The following PLEKHG5 variants were observed in gnomAD, a reference collection of about 807,000 sequenced individuals.
PLEKHG5 encodes the protein pleckstrin homology and RhoGEF domain containing G5.
In PLEKHG5, 52 loss-of-function variants were observed where a neutral mutation model predicts 103.8. The ratio of observed to expected loss-of-function variants is 0.50; its 90% CI spans 0.40 to 0.63. The LOEUF is 0.63. PLEKHG5 is among the 30% of genes least tolerant of loss of function. The pLI, the probability that PLEKHG5 is intolerant of heterozygous loss-of-function variation, is 0.00. For missense variants in PLEKHG5, 1,205 were observed against 1,347.6 expected (o/e 0.89, Z 1.66); for synonymous variants, 592 against 575.5 (o/e 1.03, Z -0.41).
In PLEKHG5 at chr1:6,490,865, A is replaced by G. The variant is rs560758131; in HGVS notation, c.-88+772T>C. Among the ~76,000 whole-genome samples, 104 of 152,210 alleles carry G rather than the reference A, an allele frequency of 6.8e-4. 1 individual carries two copies. The South Asian group carries it at 0.021, about 31-fold the overall frequency. On this transcript the variant is annotated intron_variant, in intron 1 of 20. Coordinates refer to ENST00000377728, the MANE Select transcript of PLEKHG5 (RefSeq NM_020631.6). The surrounding 1 kb of genome is among the most constrained non-coding windows in gnomAD (Gnocchi z 8.0). The stretch of plus-strand genomic sequence containing the variant: ...CCTGGTCATTAACTTGGGCTTGAAG[A>G]CGGGAGCTCGCCCATCCCGGAAGGG...
upstream of PLEKHG5, chr1:6,496,588 G>A (rs754545446): frequency 6.5e-7 from 1 of 1,530,894 alleles, no homozygotes; most frequent in Non-Finnish European, 8.8e-7. Flanking sequence ...GAGGAGCAGA[G>A]GGCATCAGTC....
chr1:6,514,884 A>C (rs1413813297), intron 1 of PLEKHG5, among the ~76,000 whole-genome samples: 1 of 151,748 alleles, frequency 6.6e-6, no homozygotes. Flanking sequence ...CCTGGCCAAC[A>C]TAGTGAAACC....
chr1:6,510,646 G>A (rs2148636801), intron 1 of PLEKHG5, among the ~76,000 whole-genome samples: 1 of 152,360 alleles, frequency 6.6e-6, no homozygotes, highest in Admixed American at 6.5e-5. Context: ...GAACCCTACA[G>A]GGCCAATACC....
rs912143041 is a variant in PLEKHG5, at chr1:6,510,965, C to T, written c.-165+8480G>A. On this transcript the variant is annotated intron_variant, in intron 1 of 21. Coordinates refer to the PLEKHG5 transcript ENST00000377740. Reference sequence around the variant, plus strand: ...TTAGCCAAGTGTGGTGGCAGGTGCCCGTAATCTCAGCTACTCAGGAGGCTG... The same window carrying T: ...TTAGCCAAGTGTGGTGGCAGGTGCCTGTAATCTCAGCTACTCAGGAGGCTG... Among the ~76,000 whole-genome samples, 10 of 152,040 alleles carry T rather than the reference C, an allele frequency of 6.6e-5. No individual in the cohort carries two copies. In the East Asian group the frequency reaches 1.7e-3, roughly 27 times the overall value.
Position 6,468,482 on chromosome 1 carries a change from T to A in PLEKHG5, c.2354A>T (p.Asp785Val), listed in dbSNP as rs769559820. Residue 785 changes from aspartate to valine, a missense_variant, in exon 20 of 21, where the codon GAT becomes GTT. Asp to Val is a radical substitution (Grantham distance 152). Coordinates refer to ENST00000377728, the MANE Select transcript of PLEKHG5 (RefSeq NM_020631.6). ...FDSGPFSSQSDETSLSTTASS... is the reference protein window; with the variant it reads ...FDSGPFSSQSVETSLSTTASS... ...GGCAGTGGTGCTGAGAGAGGTCTCA[T>A]CAGACTGGGAGCTGAAAGGACCGCT... The A allele has an allele frequency of 1.2e-6, 2 of 1,612,850 alleles. No individual in the cohort carries two copies. The highest frequency in any genetic ancestry group is 3.3e-5 in the Admixed American group (2 of 60,006).
At chr1:6,516,338 A>G (rs1638609558) in intron 1 of PLEKHG5, among the ~76,000 whole-genome samples, 1 of 152,210 alleles carries the variant, frequency 6.6e-6, no homozygotes, top group Non-Finnish European at 1.5e-5. Context: ...TTTCAGGCAT[A>G]TCCATGTATA....
At position 6,471,480 on chromosome 1, in the gene PLEKHG5, G is replaced by C; in HGVS notation, c.1281+8C>G. The C allele has an allele frequency of 2.5e-6, 4 of 1,609,426 alleles. No individual in the cohort carries two copies. The South Asian group carries it at 4.4e-5, about 18-fold the overall frequency. ...AGTGCCCCCGCCTGCGCCCGGCCCC[G>C]CCCGTACCATCTTGAAGCCTTTGAG... On this transcript the variant is annotated splice_region_variant and intron_variant, in intron 12 of 20. Transcript: ENST00000377728.
chr1:6,512,376 G>A (rs1638498114), intron 1 of PLEKHG5, among the ~76,000 whole-genome samples: 1 of 152,198 alleles, frequency 6.6e-6, no homozygotes, highest in African/African-American at 2.4e-5. Flanking sequence ...CCCCTGACTT[G>A]GACTCTGGGA....
At chr1:6,473,976 T>TACCCCCCCCCC in intron 7 of PLEKHG5, 37 bp downstream of exon 7, 1 of 1,265,562 alleles carries the variant, frequency 7.9e-7, no homozygotes, top group African/African-American at 1.5e-5. Context: ...CTGGGCCCCT[T>TACCCCCCCCCC]CCCACCCCCT....
rs775124601 is a variant in PLEKHG5, at chr1:6,471,026, C to A, written c.1356G>T (p.Leu452=). The A allele has an allele frequency of 6.2e-7, 1 of 1,606,470 alleles. No homozygotes were observed. Among genetic ancestry groups the A allele is most frequent in the South Asian group, 1.1e-5 (1 of 89,936 alleles). ...EEGCMEYMRG[L]LRDNDLFRAY... ...CCCGGAAGAGGTCGTTGTCGCGCAGCAGGCCGCGCATGTACTCCATGCAGC... is the reference window on the plus strand; with the variant it reads ...CCCGGAAGAGGTCGTTGTCGCGCAGAAGGCCGCGCATGTACTCCATGCAGC... Residue 452 remains leucine, a synonymous_variant, in exon 13 of 21, where the codon CTG becomes CTT. Transcript: ENST00000377728.
chr1:6,478,065 T>C (rs543080324), intron 1 of PLEKHG5, among the ~76,000 whole-genome samples: 3 of 152,114 alleles, frequency 2.0e-5, no homozygotes, highest in Non-Finnish European at 4.4e-5. Flanking sequence ...TTTGTATTTT[T>C]AGTAGAGACA....
At chr1:6,495,888 C>T (rs1456989255), upstream of PLEKHG5, among the ~76,000 whole-genome samples, 1 of 152,232 alleles carries the variant, frequency 6.6e-6, no homozygotes, top group Non-Finnish European at 1.5e-5. Flanking sequence ...TGGCACTAAG[C>T]CCAGCACATC....
rs1302453044 is a variant in PLEKHG5 at position 6,474,478 on chromosome 1, A to C, written c.412T>G (p.Phe138Val). 1 of 1,613,818 alleles carries C rather than the reference A, an allele frequency of 6.2e-7. No individual in the cohort carries two copies. Among genetic ancestry groups the C allele is most frequent in the Non-Finnish European group, 8.5e-7 (1 of 1,180,026 alleles). The change falls in exon 6 of 21, where the codon TTC becomes GTC. Residue 138 changes from phenylalanine (F) to valine (V), a missense_variant. Transcript: ENST00000377728. ...TTGACACGAAGGTAGTGTCCCCCGAACCTGTAGGCCTCGAAGGTGAGGGAC... is the reference window on the plus strand; with the variant it reads ...TTGACACGAAGGTAGTGTCCCCCGACCCTGTAGGCCTCGAAGGTGAGGGAC... ...PLSLTFEAYR[F>V]GGHYLRVKAP... is the part of the protein sequence containing the mutation.
chr1:6,493,759 G>A (rs1410766231), upstream of PLEKHG5, among the ~76,000 whole-genome samples: 1 of 151,820 alleles, frequency 6.6e-6, no homozygotes, highest in African/African-American at 2.4e-5. Context: ...GGGTCCAAGC[G>A]ATTCTTCTGC....
At chr1:6,496,181 C>A (rs992511862), upstream of PLEKHG5, among the ~76,000 whole-genome samples, 4 of 152,232 alleles carry the variant, frequency 2.6e-5, no homozygotes, top group African/African-American at 9.6e-5. Flanking sequence ...GCCTCAGTTT[C>A]CTCATCCGTG....
At chr1:6,481,922 CTT>C (rs112763661) in intron 1 of PLEKHG5, among the ~76,000 whole-genome samples, 8 of 142,618 alleles carry the variant, frequency 5.6e-5, no homozygotes, top group Non-Finnish European at 7.7e-5. Flanking sequence ...ATGACATTGA[CTT>C]TTTTTTTTTT....
chr1:6,478,153 G>C (rs1477166749), intron 1 of PLEKHG5, among the ~76,000 whole-genome samples: 1 of 152,072 alleles, frequency 6.6e-6, no homozygotes, highest in Non-Finnish European at 1.5e-5. Flanking sequence ...CAAAGTGCTG[G>C]GATTACAGGC....
At position 6,469,169 on chromosome 1, in the gene PLEKHG5, C is replaced by T; in HGVS notation, c.2122G>A (p.Glu708Lys). Residue 708 changes from glutamate to lysine, a missense_variant, in exon 19 of 21, where the codon GAG (glutamate) becomes AAG (lysine). Glu to Lys is a moderately conservative substitution (Grantham distance 56). Transcript: ENST00000377728. The stretch of plus-strand genomic sequence containing the variant: ...TCCTCTTCCTCCTCCTGCTCATCCT[C>T]CTCCTCTTCCAGGCTCTGCAGGGGC... ...QQPLQSLEEE[E>K]DEQEEEEEEE... The T allele has an allele frequency of 6.2e-7, 1 of 1,613,254 alleles. No individual in the cohort carries two copies. The highest frequency in any genetic ancestry group is 8.5e-7 in the Non-Finnish European group (1 of 1,179,916).
chr1:6,473,436 TGCG>T lies in PLEKHG5; in HGVS notation c.607_609del (p.Arg203del), dbSNP rs1273891514. On this transcript the variant is annotated inframe_deletion, in exon 8 of 21. Coordinates refer to ENST00000377728, the MANE Select transcript of PLEKHG5 (RefSeq NM_020631.6). ...TCCCCCAGGAACTCCGACATGTTCTTGCGGCGGCGGCCAGGGGCCTGGTCAGGG... is the reference window on the plus strand; with the variant it reads ...TCCCCCAGGAACTCCGACATGTTCTTGCGGCGGCCAGGGGCCTGGTCAGGG... The T allele has an allele frequency of 6.5e-7, 1 of 1,535,214 alleles. No individual in the cohort carries two copies. The highest frequency in any genetic ancestry group is 2.0e-5 in the Admixed American group (1 of 50,456).
Sources: allele counts gnomAD v4.1 joint callset (sites outside exome capture counted in the v4.1 genomes callset), GRCh38; gene constraint gnomAD v4.1.1; non-coding constraint Gnocchi (gnomAD v3.1); transcripts MANE v1.5; gene names NCBI Gene and HGNC (gene_info 2026-07-23, HGNC 2026-07-21).